The following CAMK2B variants were observed in gnomAD, a reference collection of about 807,000 sequenced individuals.
CAMK2B encodes the protein calcium/calmodulin dependent protein kinase II beta, also known as calcium/calmodulin-dependent protein kinase type II subunit beta.
CAMK2B carries 27 observed loss-of-function variants against 93.7 expected under a neutral mutation model. The observed-to-expected ratio is 0.29, with a 90% CI of 0.21 to 0.40. The LOEUF (loss-of-function observed/expected upper bound fraction) is 0.40, where lower values mean the gene tolerates loss of function less well. Among genes scored for constraint, CAMK2B ranks in the 10% least tolerant of loss-of-function variants. The probability of loss-of-function intolerance (pLI) is 1.00; values close to 1 mark genes in which losing one functional copy is unlikely to be tolerated. For synonymous variants in CAMK2B, 374 were observed against 358.8 expected, an observed-to-expected ratio of 1.04 and a Z score of -0.48; for missense variants, 568 against 895.8, an observed-to-expected ratio of 0.63 and a Z score of 4.67.
intron 1 of CAMK2B, among the ~76,000 whole-genome samples, chr7:44,315,089 A>C (rs951494757): frequency 6.6e-6 from 1 of 152,208 alleles, no homozygotes; most frequent in Admixed American, 6.5e-5. Flanking sequence ...AATGAAGCCC[A>C]ACAGCAAAAC....
chr7:44,308,467 C>A (rs1792555467), intron 1 of CAMK2B, among the ~76,000 whole-genome samples: 1 of 152,078 alleles, frequency 6.6e-6, no homozygotes, highest in Non-Finnish European at 1.5e-5. Context: ...CCATGTCCCC[C>A]TCCTCTCCTC....
Position 44,229,747 on chromosome 7 carries a change from G to T in CAMK2B, c.1226-246C>A, listed in dbSNP as rs115226677. The T allele has an allele frequency of 5.3e-3, 2,326 of 434,992 alleles. 32 individuals carry two copies. Among genetic ancestry groups the T allele is most frequent in the African/African-American group, 0.043 (2,094 of 48,710 alleles). The allele number at this position is 434,992 out of a possible 1,614,324, so 26.9% of individuals were successfully genotyped here. On this transcript the variant is annotated intron_variant, in intron 17 of 23. Transcript: ENST00000395749. Reference sequence around the variant, plus strand: ...AGAGCCAGAGCCAGCAGAGGCCAGGGCAGCACAGGCCAGTGCAGGCTGGCG... The same window carrying T: ...AGAGCCAGAGCCAGCAGAGGCCAGGTCAGCACAGGCCAGTGCAGGCTGGCG...
chr7:44,220,804 C>CG (rs2096391913), intron 21 of CAMK2B, 22 bp downstream of exon 21: 2 of 1,559,930 alleles, frequency 1.3e-6, no homozygotes, highest in Non-Finnish European at 1.7e-6. Flanking sequence ...TGCACAGCCC[C>CG]CCCCCAGCCC....
intron 2 of CAMK2B, among the ~76,000 whole-genome samples, chr7:44,279,350 A>G (rs949651134): frequency 3.9e-4 from 59 of 152,250 alleles, no homozygotes; most frequent in African/African-American, 1.4e-3. Flanking sequence ...AAAATGCCCA[A>G]GAAAATGGCA....
At chr7:44,226,422 C>A (rs2128884831) in intron 20 of CAMK2B, 94 bp downstream of exon 20, 2 of 1,089,340 alleles carry the variant, frequency 1.8e-6, no homozygotes, top group Non-Finnish European at 1.2e-6. Context: ...CCCTCCTCCG[C>A]AAGAATGGCC....
intron 17 of CAMK2B, 22 bp downstream of exon 17, chr7:44,230,984 G>A (rs1359770361): frequency 2.6e-6 from 4 of 1,550,826 alleles, no homozygotes; most frequent in East Asian, 2.4e-5. Context: ...CGCTGGGGGG[G>A]CAAGGACTCA....
intron 19 of CAMK2B, among the ~76,000 whole-genome samples, chr7:44,227,940 G>T (rs1006952708): frequency 3.7e-5 from 5 of 134,394 alleles, no homozygotes; most frequent in Non-Finnish European, 8.0e-5. Flanking sequence ...TAGGCTGACC[G>T]AGGGGGATAT....
At chr7:44,274,635 T>A (rs1457634151) in intron 2 of CAMK2B, among the ~76,000 whole-genome samples, 1 of 152,210 alleles carries the variant, frequency 6.6e-6, no homozygotes, top group African/African-American at 2.4e-5. Flanking sequence ...ACTCTTCTCC[T>A]CCCACCTGTT....
At chr7:44,276,322 CA>C (rs1421988994) in intron 2 of CAMK2B, among the ~76,000 whole-genome samples, 1 of 152,148 alleles carries the variant, frequency 6.6e-6, no homozygotes, top group East Asian at 1.9e-4. Flanking sequence ...GCCGACCAGG[CA>C]CTCATTATCC....
At position 44,281,622 on chromosome 7, in the gene CAMK2B, G is replaced by A. The variant is rs563539916; in HGVS notation, c.160+2509C>T. On this transcript the variant is annotated intron_variant, in intron 2 of 23. Transcript: ENST00000395749. Reference sequence around the variant, plus strand: ...CAGCTTCCTGCCCTCTGCTCCCGGCGACATCTGCCCCCCAGCACCCCAATC... The same window carrying A: ...CAGCTTCCTGCCCTCTGCTCCCGGCAACATCTGCCCCCCAGCACCCCAATC... Among the ~76,000 whole-genome samples the A allele has an allele frequency of 3.3e-5, 5 of 152,196 alleles. No individual in the cohort carries two copies. The South Asian group carries it at 8.3e-4, about 25-fold the overall frequency.
Position 44,322,007 on chromosome 7 carries a change from C to A in CAMK2B, c.65+3350G>T, listed in dbSNP as rs140945843. Among the ~76,000 whole-genome samples, 579 of 152,380 alleles carry A rather than the reference C, an allele frequency of 3.8e-3. 5 individuals carry two copies. Among genetic ancestry groups the A allele is most frequent in the African/African-American group, 0.013 (557 of 41,588 alleles). On this transcript the variant is annotated intron_variant, in intron 1 of 23. Coordinates refer to ENST00000395749, the MANE Select transcript of CAMK2B (RefSeq NM_001220.5). ...GACACACCCTAAAGAAACTCTCACA[C>A]CTGCGCCCCAGACGCATTCAGGGCC...
intron 1 of CAMK2B, among the ~76,000 whole-genome samples, chr7:44,319,575 G>A (rs963466951): frequency 5.9e-5 from 9 of 152,146 alleles, no homozygotes; most frequent in African/African-American, 1.9e-4. Flanking sequence ...GCCTTTGACC[G>A]CGGCAGGAGT....
In CAMK2B at chr7:44,294,776, C is replaced by T. The variant is rs377577761; in HGVS notation, c.66-10551G>A. On this transcript the variant is annotated intron_variant, in intron 1 of 23. Coordinates refer to ENST00000395749, the MANE Select transcript of CAMK2B (RefSeq NM_001220.5). ...TTTGTATGGCAATTCTATGGGGGTGCTGGCCTCTCTAAGATCAAACAGAAC... is the reference window on the plus strand; with the variant it reads ...TTTGTATGGCAATTCTATGGGGGTGTTGGCCTCTCTAAGATCAAACAGAAC... 1.3e-4 allele frequency among the ~76,000 whole-genome samples: 20 copies of T among 152,306 alleles called. No individual in the cohort carries two copies. In the East Asian group the frequency reaches 1.7e-3, roughly 13 times the overall value.
At chr7:44,259,976 G>A (rs1342814919) in intron 3 of CAMK2B, among the ~76,000 whole-genome samples, 1 of 152,142 alleles carries the variant, frequency 6.6e-6, no homozygotes, top group Non-Finnish European at 1.5e-5. Flanking sequence ...TAGTCACACA[G>A]CTCACAAAAG....
At chr7:44,298,598 A>C (rs1489367116) in intron 1 of CAMK2B, among the ~76,000 whole-genome samples, 1 of 152,214 alleles carries the variant, frequency 6.6e-6, no homozygotes, top group East Asian at 1.9e-4. Context: ...TGAAAAGACA[A>C]CCCACAGAAT....
chr7:44,241,650 G>A, intron 11 of CAMK2B, 50 bp downstream of exon 11: 3 of 1,457,518 alleles, frequency 2.1e-6, no homozygotes, highest in Non-Finnish European at 1.9e-6. Flanking sequence ...CCAGCCCAGA[G>A]GGACACAGAG....
At chr7:44,317,959 A>T (rs1010677977) in intron 1 of CAMK2B, among the ~76,000 whole-genome samples, 2 of 152,126 alleles carry the variant, frequency 1.3e-5, no homozygotes, top group African/African-American at 4.8e-5. Flanking sequence ...AAAACTGCTG[A>T]TACCCCATTT....
At chr7:44,256,302 T>C (rs1196130838) in intron 4 of CAMK2B, among the ~76,000 whole-genome samples, 1 of 152,264 alleles carries the variant, frequency 6.6e-6, no homozygotes, top group Non-Finnish European at 1.5e-5. Context: ...TGTGGATGCC[T>C]GTGTGTGCCC....
At chr7:44,258,847 G>A (rs771005698) in intron 4 of CAMK2B, 25 bp downstream of exon 4, 22 of 1,610,200 alleles carry the variant, frequency 1.4e-5, no homozygotes, top group East Asian at 2.2e-5. Context: ...TGAGTGCAGC[G>A]AGAGTCCCCA....
Sources: gnomAD v4.1 joint callset for allele counts (sites outside exome capture counted in the v4.1 genomes callset) on GRCh38, gnomAD v4.1.1 for gene constraint, MANE v1.5 for transcripts, NCBI Gene and HGNC (gene_info 2026-07-23, HGNC 2026-07-21) for gene names.